WDR35: variants seen among roughly 807,000 people sequenced by gnomAD.
The protein encoded by WDR35 is WD repeat-containing protein 35.
Under a neutral mutation model 158.3 loss-of-function variants are expected in WDR35, and 118 were observed. The observed-to-expected ratio is 0.75, with a 90% CI of 0.64 to 0.87. The LOEUF (loss-of-function observed/expected upper bound fraction) is 0.87. Ranked by LOEUF, WDR35 falls within the 40% of genes least tolerant of loss-of-function variation. The pLI is 0.00. For synonymous variants in WDR35, 448 were observed against 476.1 expected, an observed-to-expected ratio of 0.94 and a Z score of 0.77; for missense variants, 1,263 against 1,405.8, an observed-to-expected ratio of 0.90 and a Z score of 1.62.
intron 8 of WDR35, among the ~76,000 whole-genome samples, chr2:19,971,057 AACAGT>A (rs924138283): frequency 2.8e-5 from 4 of 142,784 alleles, no homozygotes; most frequent in African/African-American, 1.0e-4. Flanking sequence ...AAAATAAATA[AACAGT>A]ACTTTTTATG....
intron 25 of WDR35, among the ~76,000 whole-genome samples, chr2:19,924,539 G>A (rs1670298778): frequency 6.6e-6 from 1 of 152,216 alleles, no homozygotes; most frequent in African/African-American, 2.4e-5. Flanking sequence ...ACTCCAGGCT[G>A]GGCGACAGAG....
At chr2:19,925,012 C>T (rs1670312580) in intron 25 of WDR35, among the ~76,000 whole-genome samples, 1 of 152,180 alleles carries the variant, frequency 6.6e-6, no homozygotes, top group African/African-American at 2.4e-5. Flanking sequence ...CGTCCTGGGC[C>T]CCATTCCAAA....
intron 25 of WDR35, among the ~76,000 whole-genome samples, chr2:19,918,591 T>G (rs1215673539): frequency 1.3e-5 from 2 of 152,076 alleles, no homozygotes; most frequent in Non-Finnish European, 2.9e-5. Flanking sequence ...AAGCAGGGGT[T>G]GCAATCCTAG....
chr2:19,913,779 T>TA (rs200407223), intron 26 of WDR35, 71 bp from the exon 27 acceptor site: 119 of 1,585,974 alleles, frequency 7.5e-5, no homozygotes, highest in Middle Eastern at 1.7e-4. Flanking sequence ...TTAATACACT[T>TA]AAAAAAAACC....
chr2:19,933,067 A>G (rs1670572735), intron 22 of WDR35, among the ~76,000 whole-genome samples: 1 of 152,214 alleles, frequency 6.6e-6, no homozygotes, highest in African/African-American at 2.4e-5. Context: ...TTCTTTGGAA[A>G]CAAAACCCAA....
In WDR35 at chr2:19,975,645, T is replaced by C. The variant is rs1672183964; in HGVS notation, c.455A>G (p.Lys152Arg). ...GGATAGCTGTATACCCTTCAGGTCT[T>C]TTCCCCAAATACGATTGCCTAAAAC... ...GSVDGNRIWG[K>R]DLKGIQLSHV... Residue 152 changes from lysine (K) to arginine (R), a missense_variant, in exon 6 of 27, where the codon AAA becomes AGA. By Grantham distance (26) the Lys-to-Arg change is conservative. Coordinates refer to ENST00000281405, the MANE Select transcript of WDR35 (RefSeq NM_020779.4). 3 of 1,613,980 alleles carry C rather than the reference T, an allele frequency of 1.9e-6. No individual in the cohort carries two copies. Among genetic ancestry groups the C allele is most frequent in the African/African-American group, 1.3e-5 (1 of 74,942 alleles).
intron 13 of WDR35, among the ~76,000 whole-genome samples, chr2:19,949,822 C>T (rs190735618): frequency 3.3e-5 from 5 of 152,172 alleles, no homozygotes; most frequent in South Asian, 2.1e-4. Flanking sequence ...ATTTATTAGA[C>T]GTGGAAAGCA....
intron 8 of WDR35, among the ~76,000 whole-genome samples, chr2:19,971,746 G>A (rs1159124753): frequency 6.6e-6 from 1 of 152,084 alleles, no homozygotes; most frequent in Non-Finnish European, 1.5e-5. Context: ...TCTTGGTATT[G>A]ACCCATCCAT....
At chr2:19,935,640 T>C (rs1474057061) in intron 20 of WDR35, 37 bp from the exon 21 acceptor site, 2 of 1,603,178 alleles carry the variant, frequency 1.2e-6, no homozygotes, top group African/African-American at 1.3e-5. Context: ...TTAAAACTAA[T>C]GTGAATCTCC....
At chr2:19,920,662 AC>A (rs1267935452) in intron 25 of WDR35, among the ~76,000 whole-genome samples, 1 of 152,238 alleles carries the variant, frequency 6.6e-6, no homozygotes, top group African/African-American at 2.4e-5. Context: ...CCCTTTGAAA[AC>A]CAGCACAAGA....
intron 17 of WDR35, 102 bp from the exon 18 acceptor site, chr2:19,938,503 AC>A (rs1670770614): frequency 7.0e-7 from 1 of 1,429,386 alleles, no homozygotes; most frequent in Non-Finnish European, 9.4e-7. Context: ...AAGAAAAAAA[AC>A]GGCATCATAT....
chr2:19,966,759 T>C lies in WDR35; in HGVS notation c.1159A>G (p.Ile387Val), dbSNP rs774576768. Residue 387 changes from isoleucine (I) to valine (V), a missense_variant, in exon 10 of 27, where the codon ATT (isoleucine) becomes GTT (valine). Transcript: ENST00000281405. ...TTTTCATCAGCTTTTGTAGCCAAAA[T>C]GCAGAAATCTCCACAGGTAGTAATA... The part of the protein sequence containing the change: ...ISITTCGDFC[I>V]LATKADENHP... 10 of 1,613,840 alleles carry C rather than the reference T, an allele frequency of 6.2e-6. No homozygotes were observed. In the African/African-American group the frequency reaches 6.7e-5, roughly 11 times the overall value.
chr2:19,928,145 C>T (rs534881355), intron 25 of WDR35, among the ~76,000 whole-genome samples: 1 of 152,352 alleles, frequency 6.6e-6, no homozygotes, highest in Non-Finnish European at 1.5e-5. Flanking sequence ...GGGCAAGGAA[C>T]ACCTGGCCCG....
chr2:19,985,736 A>T (rs187169079), intron 2 of WDR35, among the ~76,000 whole-genome samples: 3 of 150,304 alleles, frequency 2.0e-5, no homozygotes, highest in Admixed American at 2.0e-4. Flanking sequence ...AAAAAAAAAA[A>T]AATACAAAAA....
At chr2:19,973,805 T>G in intron 7 of WDR35, 97 bp from the exon 8 acceptor site, 2 of 1,504,894 alleles carry the variant, frequency 1.3e-6, no homozygotes, top group South Asian at 1.2e-5. Flanking sequence ...TTTAAAACTT[T>G]CCACATTTTT....
intron 17 of WDR35, among the ~76,000 whole-genome samples, 166 bp from the exon 18 acceptor site, chr2:19,938,567 T>C (rs1205988498): frequency 6.6e-6 from 1 of 152,134 alleles, no homozygotes; most frequent in Non-Finnish European, 1.5e-5. Context: ...TTGAGTTATC[T>C]GGAAAACACC....
At chr2:19,963,751 T>TTTAC (rs1489557626) in intron 10 of WDR35, among the ~76,000 whole-genome samples, 99 of 126,534 alleles carry the variant, frequency 7.8e-4, no homozygotes, top group South Asian at 1.7e-3. Flanking sequence ...TATTTATTTA[T>TTTAC]TTACTTACTT....
At chr2:19,974,363 C>G in intron 7 of WDR35, 105 bp downstream of exon 7, 2 of 1,179,898 alleles carry the variant, frequency 1.7e-6, no homozygotes, top group Non-Finnish European at 2.3e-6. Context: ...GAGCCAAGAT[C>G]GTGCCACTGC....
rs1305648535 is a variant in WDR35, at chr2:19,980,797, A to G, written c.215-14T>C. On this transcript the variant is annotated splice_polypyrimidine_tract_variant and intron_variant, in intron 3 of 26. Transcript: ENST00000281405. ...CTTGAACAGAACCTAGAACATTATA[A>G]AACAATTTAGAAACTTAAAGGTTAC... 1.2e-6 allele frequency: 2 copies of G among 1,609,490 alleles called. No individual in the cohort carries two copies. Among genetic ancestry groups the G allele is most frequent in the Non-Finnish European group, 1.7e-6 (2 of 1,176,222 alleles).
Sources: allele counts gnomAD v4.1 joint callset (sites outside exome capture counted in the v4.1 genomes callset), GRCh38; gene constraint gnomAD v4.1.1; transcripts MANE v1.5; gene names NCBI Gene and HGNC (gene_info 2026-07-23, HGNC 2026-07-21).